Variants in PLXNA2 observed in about 807,000 individuals in gnomAD.
PLXNA2 encodes the protein plexin A2.
PLXNA2 carries 91 observed loss-of-function variants against 193.5 expected under a neutral mutation model. The observed-to-expected ratio is 0.47, with a 90% CI of 0.40 to 0.56. The LOEUF (loss-of-function observed/expected upper bound fraction) is 0.56. PLXNA2 is among the 20% of genes least tolerant of loss of function. The probability of loss-of-function intolerance (pLI) is 0.00; values close to 1 mark genes in which losing one functional copy is unlikely to be tolerated. For missense variants in PLXNA2, 1,995 were observed against 2,503.2 expected (o/e 0.80, Z 4.33); for synonymous variants, 997 against 1,027.3 (o/e 0.97, Z 0.56).
At chr1:208,132,033 C>G (rs972373456) in intron 4 of PLXNA2, among the ~76,000 whole-genome samples, 2 of 152,182 alleles carry the variant, frequency 1.3e-5, no homozygotes, top group African/African-American at 4.8e-5. Flanking sequence ...GAGGGGAGAT[C>G]ATGCTCGTGA....
At chr1:208,177,517 G>GT (rs1241511419) in intron 3 of PLXNA2, among the ~76,000 whole-genome samples, 1 of 152,240 alleles carries the variant, frequency 6.6e-6, no homozygotes, top group Non-Finnish European at 1.5e-5. Context: ...CACTAAATGA[G>GT]TGTTTACTAT....
At chr1:208,153,090 C>T (rs1053599590) in intron 3 of PLXNA2, among the ~76,000 whole-genome samples, 5 of 152,166 alleles carry the variant, frequency 3.3e-5, no homozygotes, top group Non-Finnish European at 5.9e-5. Context: ...CTGCCCTGCA[C>T]ACAGTAGGCT....
chr1:208,096,237 G>T, intron 7 of PLXNA2, 112 bp from the exon 8 acceptor site: 1 of 803,916 alleles, frequency 1.2e-6, no homozygotes, highest in Non-Finnish European at 2.1e-6. Context: ...CTCTTAGGAT[G>T]TAGATACTAT....
chr1:208,190,321 TTTCAAA>T (rs1315665472), intron 3 of PLXNA2, among the ~76,000 whole-genome samples: 1 of 152,198 alleles, frequency 6.6e-6, no homozygotes, highest in Non-Finnish European at 1.5e-5. Flanking sequence ...TGGGTTTGCT[TTTCAAA>T]TCCACTACCC....
Position 208,082,473 on chromosome 1 carries a change from G to T in PLXNA2, c.2334C>A (p.Ala778=). Residue 778 remains alanine (A), a synonymous_variant, in exon 11 of 32, where the codon GCC becomes GCA. Transcript: ENST00000367033. The surrounding 1 kb of genome is among the most constrained non-coding windows in gnomAD (Gnocchi z 4.2). ...QYDGMDISNL[A]VDFAVVWNGN... is the part of the protein sequence containing the mutation. ...CGTTCCACACCACAGCGAAATCCAC[G>T]GCCAGATTGCTGATGTCCATGCCAT... 6.2e-7 allele frequency: 1 copy of T among 1,614,064 alleles called. No homozygotes were observed. The highest frequency in any genetic ancestry group is 2.2e-5 in the East Asian group (1 of 44,876).
chr1:208,110,230 T>C (rs1210157917), intron 4 of PLXNA2, among the ~76,000 whole-genome samples: 1 of 152,212 alleles, frequency 6.6e-6, no homozygotes, highest in Non-Finnish European at 1.5e-5. Flanking sequence ...CTCCATCCCC[T>C]TTGGCTCAGC....
At position 208,221,381 on chromosome 1, in the gene PLXNA2, G is replaced by GTTTTTTTTTTTTTTT; in HGVS notation, c.-80-3394_-80-3380dup. 3.4e-5 allele frequency among the ~76,000 whole-genome samples: 2 copies of GTTTTTTTTTTTTTTT among 58,080 alleles called. 1 individual carries two copies. The highest frequency in any genetic ancestry group is 6.2e-5 in the Non-Finnish European group (2 of 32,486). The allele number at this position is 58,080 out of a possible 152,430, so 38.1% of individuals were successfully genotyped here. On this transcript the variant is annotated intron_variant, in intron 1 of 31. Transcript: ENST00000367033. ...AGGTCAGGAGCTTTTTTCTTTTTCT[G>GTTTTTTTTTTTTTTT]TTTTTTTTTTTTTTTTTTTTTTTTT...
intron 3 of PLXNA2, among the ~76,000 whole-genome samples, chr1:208,164,223 A>C (rs1019768889): frequency 1.3e-5 from 2 of 152,188 alleles, no homozygotes; most frequent in African/African-American, 4.8e-5. Flanking sequence ...CTTCCTGGGC[A>C]AGCCCCTCCC....
chr1:208,171,603 C>T (rs781253970), intron 3 of PLXNA2, among the ~76,000 whole-genome samples: 23 of 152,178 alleles, frequency 1.5e-4, no homozygotes, highest in Non-Finnish European at 2.8e-4. Context: ...CATCCCAGTG[C>T]TTTGGGAGGC....
intron 9 of PLXNA2, among the ~76,000 whole-genome samples, chr1:208,087,094 C>T (rs1368989448): frequency 2.6e-5 from 4 of 151,694 alleles, no homozygotes; most frequent in East Asian, 2.0e-4. Context: ...TTGTAAATGA[C>T]GAGCAGTTGT....
chr1:208,030,594 A>C lies in PLXNA2; in HGVS notation c.5225+996T>G, dbSNP rs574824383. ...AGGCTCAGCGACCACAAGACCCGGG[A>C]GGAGGAAGGAAGAGATGGGGCTGGG... On this transcript the variant is annotated intron_variant, in intron 29 of 31. Coordinates refer to ENST00000367033, the MANE Select transcript of PLXNA2 (RefSeq NM_025179.4). The C allele has an allele frequency of 3.3e-5, 33 of 985,126 alleles. No homozygotes were observed. In the African/African-American group the frequency reaches 4.7e-4, roughly 14 times the overall value. 61.0% of individuals were successfully genotyped at this position (985,126 alleles called of 1,614,324 possible). A position where few individuals can be genotyped will look rare whatever the true frequency, so the allele number is the denominator to read the frequency against.
intron 1 of PLXNA2, among the ~76,000 whole-genome samples, chr1:208,240,342 C>G (rs543463291): frequency 5.1e-4 from 77 of 152,310 alleles, no homozygotes; most frequent in African/African-American, 1.7e-3. Context: ...CTCCCTCGTG[C>G]CTTGAGACCA....
chr1:208,030,030 A>G (rs368906139), intron 29 of PLXNA2: 4 of 985,240 alleles, frequency 4.1e-6, no homozygotes, highest in African/African-American at 3.5e-5. Flanking sequence ...ATGGGCCCCA[A>G]ACTTTCCCAA....
chr1:208,028,730 T>A lies in PLXNA2; in HGVS notation c.5438+100A>T. 9.0e-7 allele frequency: 1 copy of A among 1,111,882 alleles called. No homozygotes were observed. Among genetic ancestry groups the A allele is most frequent in the Non-Finnish European group, 1.3e-6 (1 of 766,900 alleles). The allele number at this position is 1,111,882 out of a possible 1,614,324, so 68.9% of individuals were successfully genotyped here. ...AGGGGAGTGGGAGGTCCTGAAGAGA[T>A]GACAGACACCGTCGTCTGAGTCCTT... On this transcript the variant is annotated intron_variant, in intron 30 of 31. Coordinates refer to ENST00000367033, the MANE Select transcript of PLXNA2 (RefSeq NM_025179.4). This position sits in a 1 kb window ranked among gnomAD's most constrained non-coding sequence, Gnocchi z 4.2.
At chr1:208,158,027 C>G (rs1342807708) in intron 3 of PLXNA2, among the ~76,000 whole-genome samples, 1 of 152,214 alleles carries the variant, frequency 6.6e-6, no homozygotes, top group Middle Eastern at 3.4e-3. Flanking sequence ...TGCTGTGAAA[C>G]CAGGCCAGTG....
intron 12 of PLXNA2, among the ~76,000 whole-genome samples, chr1:208,066,007 C>T (rs1490315862): frequency 6.6e-6 from 1 of 152,070 alleles, no homozygotes; most frequent in Non-Finnish European, 1.5e-5. Context: ...CCCACACAAA[C>T]AAATGATTTG....
intron 4 of PLXNA2, among the ~76,000 whole-genome samples, chr1:208,131,914 C>T (rs1391112710): frequency 6.6e-6 from 1 of 152,094 alleles, no homozygotes; most frequent in Non-Finnish European, 1.5e-5. Flanking sequence ...GGCTATGCCT[C>T]CTAAAAGTCA....
intron 3 of PLXNA2, among the ~76,000 whole-genome samples, chr1:208,190,827 T>A (rs941641957): frequency 3.3e-5 from 5 of 152,230 alleles, no homozygotes; most frequent in Non-Finnish European, 7.3e-5. Context: ...TGTTTTTGAA[T>A]GAGTGAGTAA....
intron 4 of PLXNA2, among the ~76,000 whole-genome samples, chr1:208,112,669 T>C (rs75842055): frequency 4.6e-5 from 7 of 152,290 alleles, no homozygotes; most frequent in Non-Finnish European, 1.0e-4. Flanking sequence ...GGAGCTACGA[T>C]TGTTTATCTA....
Sources: allele counts gnomAD v4.1 joint callset (sites outside exome capture counted in the v4.1 genomes callset), GRCh38; gene constraint gnomAD v4.1.1; non-coding constraint Gnocchi (gnomAD v3.1); transcripts MANE v1.5; gene names NCBI Gene and HGNC (gene_info 2026-07-23, HGNC 2026-07-21).